The following PAPOLB variants were observed in gnomAD, a reference collection of about 807,000 sequenced individuals.
The protein encoded by PAPOLB is poly(A) polymerase beta.
Under a neutral mutation model 23.2 loss-of-function variants are expected in PAPOLB, and 19 were observed. The ratio of observed to expected loss-of-function variants is 0.82; its 90% confidence interval spans 0.57 to 1.20. PAPOLB has a LOEUF of 1.20. Among genes scored for constraint, PAPOLB ranks in the 50% most tolerant of loss-of-function variants. The pLI is 0.00. For synonymous variants in PAPOLB, 360 were observed against 290.7 expected, an observed-to-expected ratio of 1.24 and a Z score of -2.43; for missense variants, 822 against 776.8, an observed-to-expected ratio of 1.06 and a Z score of -0.69.
Position 4,858,097 on chromosome 7 carries a change from A to G in PAPOLB, c.*1800T>C, listed in dbSNP as rs1783878093. Reference sequence around the variant, plus strand: ...TTCACCCGATTTATTATTGTGGTGAAACGGCAAAGATGTGAGAAAAAGAAA... The same window carrying G: ...TTCACCCGATTTATTATTGTGGTGAGACGGCAAAGATGTGAGAAAAAGAAA... On this transcript the variant is annotated 3_prime_UTR_variant, in exon 1 of 1. Coordinates refer to ENST00000404991, the MANE Select transcript of PAPOLB (RefSeq NM_020144.5). 6.6e-6 allele frequency: 1 copy of G among 152,574 alleles called. No individual in the cohort carries two copies. Among genetic ancestry groups the G allele is most frequent in the Admixed American group, 6.5e-5 (1 of 15,284 alleles). 9.5% of individuals were successfully genotyped at this position (152,574 alleles called of 1,614,324 possible).
chr7:4,861,847 C>CACCGCGACCTTCACGTCCCCCACA lies in PAPOLB; in HGVS notation c.-38_-37insTGTGGGGGACGTGAAGGTCGCGGT. 1.4e-6 allele frequency: 2 copies of CACCGCGACCTTCACGTCCCCCACA among 1,396,042 alleles called. No individual in the cohort carries two copies. The highest frequency in any genetic ancestry group is 1.9e-6 in the Non-Finnish European group (2 of 1,068,618). 86.5% of individuals were successfully genotyped at this position (1,396,042 alleles called of 1,614,324 possible). A position where few individuals can be genotyped will look rare whatever the true frequency, so the allele number is the denominator to read the frequency against. ...CGCCCCGCCAGGGCACGTCCCCCAC[C>CACCGCGACCTTCACGTCCCCCACA]ACCGCGACCTTCGCGGCCGCCGCCC... is the stretch of plus-strand genomic sequence containing the variant. On this transcript the variant is annotated 5_prime_UTR_variant, in exon 1 of 1. Coordinates refer to ENST00000404991, the MANE Select transcript of PAPOLB (RefSeq NM_020144.5).
Position 4,860,895 on chromosome 7 carries a change from T to G in PAPOLB, c.916A>C (p.Asn306His). ...ATAAGATGGTACCTATCACTGGGAT[T>G]TACTCTTGGGTCCCATACAGGCAAA... ...LNLPVWDPRV[N>H]PSDRYHLMPI... The change falls in exon 1 of 1, where the codon AAT becomes CAT. Residue 306 changes from asparagine to histidine, a missense_variant. Transcript: ENST00000404991. 1 of 1,614,206 alleles carries G rather than the reference T, an allele frequency of 6.2e-7. No homozygotes were observed. Among genetic ancestry groups the G allele is most frequent in the Non-Finnish European group, 8.5e-7 (1 of 1,180,036 alleles).
rs1216128716 is a variant in PAPOLB at position 4,859,120 on chromosome 7, T to C, written c.*777A>G. On this transcript the variant is annotated 3_prime_UTR_variant, in exon 1 of 1. Coordinates refer to ENST00000404991, the MANE Select transcript of PAPOLB (RefSeq NM_020144.5). ...ACATTTCATTTTAAAGGGTTACAGC[T>C]ACCTCATAGGGACTGAGCTAGATGT... is the stretch of plus-strand genomic sequence containing the variant. 1 of 152,276 alleles carries C rather than the reference T, an allele frequency of 6.6e-6. No homozygotes were observed. Among genetic ancestry groups the C allele is most frequent in the Non-Finnish European group, 1.5e-5 (1 of 68,018 alleles). 9.4% of individuals were successfully genotyped at this position (152,276 alleles called of 1,614,324 possible).
In PAPOLB at chr7:4,858,064, G is replaced by A. The variant is rs1392892624; in HGVS notation, c.*1833C>T. The A allele has an allele frequency of 6.6e-6, 1 of 152,520 alleles. No homozygotes were observed. The highest frequency in any genetic ancestry group is 2.4e-5 in the African/African-American group (1 of 41,412). The allele number at this position is 152,520 out of a possible 1,614,324, so 9.4% of individuals were successfully genotyped here. ...CATAGCCATTCAAAATACAGATATT[G>A]TGCACACTTCACCCGATTTATTATT... is the stretch of plus-strand genomic sequence containing the variant. On this transcript the variant is annotated 3_prime_UTR_variant, in exon 1 of 1. Coordinates refer to ENST00000404991, the MANE Select transcript of PAPOLB (RefSeq NM_020144.5).
At position 4,861,359 on chromosome 7, in the gene PAPOLB, T is replaced by C. The variant is rs777413028; in HGVS notation, c.452A>G (p.Glu151Gly). Reference protein sequence around the residue: ...QEEVKDLRAVEEAFVPVIKLC... With the variant: ...QEEVKDLRAVGEAFVPVIKLC... ...TTTGATAACTGGCACAAATGCCTCC[T>C]CGACAGCCCTTAAATCTTTCACTTC... The change falls in exon 1 of 1, where the codon GAG becomes GGG. Residue 151 changes from glutamate to glycine, a missense_variant. Transcript: ENST00000404991. The C allele has an allele frequency of 6.2e-7, 1 of 1,614,154 alleles. No homozygotes were observed. The highest frequency in any genetic ancestry group is 1.1e-5 in the South Asian group (1 of 91,088).
rs1583317147 is a variant in PAPOLB at position 4,861,801 on chromosome 7, A to G, written c.10T>C (p.Phe4Leu). The G allele has an allele frequency of 1.4e-6, 2 of 1,403,890 alleles. No homozygotes were observed. The highest frequency in any genetic ancestry group is 1.8e-6 in the Non-Finnish European group (2 of 1,084,716). The allele number at this position is 1,403,890 out of a possible 1,614,324, so 87.0% of individuals were successfully genotyped here. The part of the protein sequence containing the change: MMP[F>L]PVTTQGPPQP... ...GGTGGTCCCTGGGTTGTCACCGGAA[A>G]CGGCATCATCTTTCAGCGCCCGCCC... The change falls in exon 1 of 1, where the codon TTT (phenylalanine) becomes CTT (leucine). Residue 4 changes from phenylalanine (F) to leucine (L), a missense_variant. Phe to Leu is a conservative substitution (Grantham distance 22, BLOSUM62 0). This residue lies in a region of PAPOLB where 276 missense variants were observed against 243.9 expected (regional missense o/e 1.13). Transcript: ENST00000404991.
In PAPOLB at chr7:4,857,818, A is replaced by T. The variant is rs949314758; in HGVS notation, c.*2079T>A. ...CAAAACAGTGCTTGAATATACCAGG[A>T]GTACAGATACCATAAAACAAAGCAA... On this transcript the variant is annotated 3_prime_UTR_variant, in exon 1 of 1. Coordinates refer to ENST00000404991, the MANE Select transcript of PAPOLB (RefSeq NM_020144.5). The T allele has an allele frequency of 3.8e-4, 58 of 152,768 alleles. No individual in the cohort carries two copies. The highest frequency in any genetic ancestry group is 1.3e-3 in the African/African-American group (56 of 41,574). The allele number at this position is 152,768 out of a possible 1,614,324, so 9.5% of individuals were successfully genotyped here.
At position 4,861,830 on chromosome 7, in the gene PAPOLB, C is replaced by G; in HGVS notation, c.-20G>C. The stretch of plus-strand genomic sequence containing the variant: ...CATCATCTTTCAGCGCCCGCCCCGC[C>G]AGGGCACGTCCCCCACCACCGCGAC... On this transcript the variant is annotated 5_prime_UTR_variant, in exon 1 of 1. Coordinates refer to ENST00000404991, the MANE Select transcript of PAPOLB (RefSeq NM_020144.5). The G allele has an allele frequency of 4.7e-6, 6 of 1,270,224 alleles. No homozygotes were observed. Among genetic ancestry groups the G allele is most frequent in the African/African-American group, 2.7e-5 (1 of 36,666 alleles). 78.7% of individuals were successfully genotyped at this position (1,270,224 alleles called of 1,614,324 possible). A position where few individuals can be genotyped will look rare whatever the true frequency, so the allele number is the denominator to read the frequency against.
Position 4,858,641 on chromosome 7 carries a change from T to G in PAPOLB, c.*1256A>C, listed in dbSNP as rs56259867. On this transcript the variant is annotated 3_prime_UTR_variant, in exon 1 of 1. Coordinates refer to ENST00000404991, the MANE Select transcript of PAPOLB (RefSeq NM_020144.5). ...AAATTAACTTTCCTATAAGGAGGTA[T>G]TCTGTGGAATGAACAAAACTTCTCA... The G allele has an allele frequency of 6.6e-6, 1 of 152,582 alleles. No homozygotes were observed. 9.5% of individuals were successfully genotyped at this position (152,582 alleles called of 1,614,324 possible).
At position 4,861,829 on chromosome 7, in the gene PAPOLB, C is replaced by G. The variant is rs934923834; in HGVS notation, c.-19G>C. The G allele has an allele frequency of 7.8e-7, 1 of 1,274,288 alleles. No individual in the cohort carries two copies. Among genetic ancestry groups the G allele is most frequent in the Non-Finnish European group, 9.9e-7 (1 of 1,005,954 alleles). 78.9% of individuals were successfully genotyped at this position (1,274,288 alleles called of 1,614,324 possible). A position where few individuals can be genotyped will look rare whatever the true frequency, so the allele number is the denominator to read the frequency against. ...GCATCATCTTTCAGCGCCCGCCCCG[C>G]CAGGGCACGTCCCCCACCACCGCGA... On this transcript the variant is annotated 5_prime_UTR_variant, in exon 1 of 1. Transcript: ENST00000404991.
chr7:4,861,802 C>CCCT lies in PAPOLB; in HGVS notation c.8_9insAGG (p.Pro3_Phe4insGly). 1 of 1,455,958 alleles carries CCCT rather than the reference C, an allele frequency of 6.9e-7. No homozygotes were observed. The highest frequency in any genetic ancestry group is 1.6e-5 in the South Asian group (1 of 63,920). The allele number at this position is 1,455,958 out of a possible 1,614,324, so 90.2% of individuals were successfully genotyped here. ...GTGGTCCCTGGGTTGTCACCGGAAA[C>CCCT]GGCATCATCTTTCAGCGCCCGCCCC... On this transcript the variant is annotated inframe_insertion, in exon 1 of 1. Transcript: ENST00000404991.
rs775333096 is a variant in PAPOLB, at chr7:4,860,304, G to C, written c.1507C>G (p.Leu503Val). Residue 503 changes from leucine (L) to valine (V), a missense_variant, in exon 1 of 1, where the codon CTT (leucine) becomes GTT (valine). Leu to Val is a conservative substitution (Grantham distance 32). Coordinates refer to ENST00000404991, the MANE Select transcript of PAPOLB (RefSeq NM_020144.5). Reference sequence around the variant, plus strand: ...GTTGAGTGTGCTTTCTTGTCCTGAAGCACATGATGAGGCAGCAGCTGGTGA... The same window carrying C: ...GTTGAGTGTGCTTTCTTGTCCTGAACCACATGATGAGGCAGCAGCTGGTGA... Reference protein sequence around the residue: ...ELHQLLPHHVLQDKKAHSTEG... With the variant: ...ELHQLLPHHVVQDKKAHSTEG... The C allele has an allele frequency of 7.4e-6, 12 of 1,613,888 alleles. No homozygotes were observed. Among genetic ancestry groups the C allele is most frequent in the Non-Finnish European group, 9.3e-6 (11 of 1,179,908 alleles).
At position 4,860,451 on chromosome 7, in the gene PAPOLB, T is replaced by C; in HGVS notation, c.1360A>G (p.Ser454Gly). The change falls in exon 1 of 1, where the codon AGC (serine) becomes GGC (glycine). Residue 454 changes from serine to glycine, a missense_variant. Coordinates refer to ENST00000404991, the MANE Select transcript of PAPOLB (RefSeq NM_020144.5). ...LKKPDNSEIL[S>G]IDLTYDIQSF... Reference sequence around the variant, plus strand: ...TGGATATCATAGGTGAGATCAATGCTGAGAATTTCAGAATTATCTGGCTTT... The same window carrying C: ...TGGATATCATAGGTGAGATCAATGCCGAGAATTTCAGAATTATCTGGCTTT... The C allele has an allele frequency of 6.2e-6, 10 of 1,614,218 alleles. No homozygotes were observed. The highest frequency in any genetic ancestry group is 8.5e-6 in the Non-Finnish European group (10 of 1,180,014).
At position 4,857,860 on chromosome 7, in the gene PAPOLB, A is replaced by AC. The variant is rs1180477694; in HGVS notation, c.*2036dup. ...ACAAAGCAAACTCCACTCACTAGGT[A>AC]CATCACATGAAAAAATGGTCTGACA... On this transcript the variant is annotated 3_prime_UTR_variant, in exon 1 of 1. Coordinates refer to ENST00000404991, the MANE Select transcript of PAPOLB (RefSeq NM_020144.5). The AC allele has an allele frequency of 6.6e-6, 1 of 152,662 alleles. No individual in the cohort carries two copies. The highest frequency in any genetic ancestry group is 1.5e-5 in the Non-Finnish European group (1 of 68,026). The allele number at this position is 152,662 out of a possible 1,614,324, so 9.5% of individuals were successfully genotyped here.
At position 4,861,754 on chromosome 7, in the gene PAPOLB, A is replaced by C. The variant is rs3750009; in HGVS notation, c.57T>G (p.Asn19Lys). 599,494 of 1,490,092 alleles carry C rather than the reference A, an allele frequency of 0.4. 125,125 individuals are homozygous for C. The highest frequency in any genetic ancestry group is 0.67 in the African/African-American group (47,474 of 70,740). The allele number at this position is 1,490,092 out of a possible 1,614,324, so 92.3% of individuals were successfully genotyped here. Residue 19 changes from asparagine (N) to lysine (K), a missense_variant, in exon 1 of 1, where the codon AAT becomes AAG. By Grantham distance (94) the Asn-to-Lys change is moderately conservative. Coordinates refer to ENST00000404991, the MANE Select transcript of PAPOLB (RefSeq NM_020144.5). Reference protein sequence around the residue: ...QGPPQPAPPPNRYGVSSPISL... With the variant: ...QGPPQPAPPPKRYGVSSPISL... ...TGATAGGCGAGGAGACGCCGTAGCGATTCGGCGGCGGCGCCGGCTGCGGTG... is the reference window on the plus strand; with the variant it reads ...TGATAGGCGAGGAGACGCCGTAGCGCTTCGGCGGCGGCGCCGGCTGCGGTG...
chr7:4,861,364 A>G lies in PAPOLB; in HGVS notation c.447T>C (p.Ala149=), dbSNP rs749704825. 7 of 1,614,164 alleles carry G rather than the reference A, an allele frequency of 4.3e-6. No individual in the cohort carries two copies. The highest frequency in any genetic ancestry group is 5.9e-6 in the Non-Finnish European group (7 of 1,179,986). Residue 149 remains alanine (A), a synonymous_variant, in exon 1 of 1, where the codon GCT becomes GCC. Coordinates refer to ENST00000404991, the MANE Select transcript of PAPOLB (RefSeq NM_020144.5). ...KLQEEVKDLR[A]VEEAFVPVIK... ...TAACTGGCACAAATGCCTCCTCGAC[A>G]GCCCTTAAATCTTTCACTTCCTCCT... is the stretch of plus-strand genomic sequence containing the variant.
chr7:4,861,925 A>ACCCCAC lies in PAPOLB; in HGVS notation c.-121_-116dup. 1 of 597,890 alleles carries ACCCCAC rather than the reference A, an allele frequency of 1.7e-6. No homozygotes were observed. The highest frequency in any genetic ancestry group is 3.8e-5 in the Admixed American group (1 of 26,006). 37.0% of individuals were successfully genotyped at this position (597,890 alleles called of 1,614,324 possible). A position where few individuals can be genotyped will look rare whatever the true frequency, so the allele number is the denominator to read the frequency against. On this transcript the variant is annotated 5_prime_UTR_variant, in exon 1 of 1. Coordinates refer to ENST00000404991, the MANE Select transcript of PAPOLB (RefSeq NM_020144.5). Reference sequence around the variant, plus strand: ...CAGGGCTTCTAGCTGCCCTGGTCCGACCCCACTCCCACTCCCGCTGCGCGC... The same window carrying ACCCCAC: ...CAGGGCTTCTAGCTGCCCTGGTCCGACCCCACCCCCACTCCCACTCCCGCTGCGCGC...
rs768199168 is a variant in PAPOLB, at chr7:4,861,015, C to T, written c.796G>A (p.Ala266Thr). ...AAGAATTTCCGTACAAGAGTTGACG[C>T]TACTGCATTTGGATAAAGCTGACAA... is the stretch of plus-strand genomic sequence containing the variant. ...RTCQLYPNAVASTLVRKFFLV... is the reference protein window; with the variant it reads ...RTCQLYPNAVTSTLVRKFFLV... Residue 266 changes from alanine to threonine, a missense_variant, in exon 1 of 1, where the codon GCG becomes ACG. Ala to Thr is a moderately conservative substitution (Grantham distance 58). Transcript: ENST00000404991. The T allele has an allele frequency of 1.9e-5, 30 of 1,614,234 alleles. No homozygotes were observed. Among genetic ancestry groups the T allele is most frequent in the South Asian group, 8.8e-5 (8 of 91,090 alleles).
rs764458419 is a variant in PAPOLB at position 4,860,552 on chromosome 7, T to C, written c.1259A>G (p.Gln420Arg). The C allele has an allele frequency of 3.5e-5, 57 of 1,614,122 alleles. 1 individual carries two copies. In the Middle Eastern group the frequency reaches 4.9e-4, roughly 14 times the overall value. The change falls in exon 1 of 1, where the codon CAG becomes CGG. Residue 420 changes from glutamine to arginine, a missense_variant. Physicochemically the swap from Gln to Arg is conservative, Grantham distance 43. Transcript: ENST00000404991. ...EFITLAHVNP[Q>R]SFPAPKENPD... is the part of the protein sequence containing the mutation. ...ATTTTCTTTGGGTGCTGGAAATGAC[T>C]GTGGATTCACATGTGCCAGTGTAAT...
Sources: allele counts gnomAD v4.1 joint callset, GRCh38; gene constraint gnomAD v4.1.1; regional missense constraint gnomAD v4.1.1; transcripts MANE v1.5; gene names NCBI Gene and HGNC (gene_info 2026-07-23, HGNC 2026-07-21).